Variants in SOX6 observed in about 807,000 individuals in gnomAD.
The protein encoded by SOX6 is SRY-box transcription factor 6.
In SOX6, 11 loss-of-function variants were observed where a neutral mutation model predicts 97.8. That is an observed-to-expected ratio of 0.11 (90% confidence interval 0.07 to 0.19). SOX6 has a LOEUF of 0.19. Ranked by LOEUF, SOX6 falls within the 10% of genes least tolerant of loss-of-function variation. The pLI, the probability that SOX6 is intolerant of heterozygous loss-of-function variation, is 1.00. For missense variants in SOX6, 810 were observed against 1,039.5 expected (o/e 0.78, Z 3.04); for synonymous variants, 360 against 371.4 (o/e 0.97, Z 0.35).
intron 3 of SOX6, among the ~76,000 whole-genome samples, chr11:16,265,810 A>C (rs1057095268): frequency 3.3e-5 from 5 of 151,878 alleles, no homozygotes; most frequent in African/African-American, 1.2e-4. Context: ...TGAAATGAAA[A>C]ACATACTGAA....
At chr11:16,063,361 G>T (rs1336405979) in intron 9 of SOX6, among the ~76,000 whole-genome samples, 4 of 150,494 alleles carry the variant, frequency 2.7e-5, no homozygotes, top group Admixed American at 2.7e-4. Context: ...CAGGACCTAA[G>T]AAATGTATTG....
chr11:16,011,180 T>C (rs1854713530), intron 13 of SOX6, among the ~76,000 whole-genome samples: 1 of 152,042 alleles, frequency 6.6e-6, no homozygotes, highest in African/African-American at 2.4e-5. Context: ...GAAAAGTCCA[T>C]AAAAAGTTCA....
chr11:15,986,148 C>T (rs1853830699), intron 15 of SOX6, 56 bp downstream of exon 15: 1 of 1,475,664 alleles, frequency 6.8e-7, no homozygotes, highest in Non-Finnish European at 9.5e-7. Flanking sequence ...AGTAGCCATC[C>T]TATAGTTACT....
chr11:16,039,467 A>G (rs1855601138), intron 12 of SOX6, among the ~76,000 whole-genome samples: 1 of 152,068 alleles, frequency 6.6e-6, no homozygotes, highest in South Asian at 2.1e-4. Context: ...GGTAATCTCA[A>G]AGACCCTTTT....
At chr11:16,402,994 G>A (rs1303996807) in intron 1 of SOX6, 2 of 592,910 alleles carry the variant, frequency 3.4e-6, no homozygotes, top group Admixed American at 2.8e-5. Flanking sequence ...ACAGATGGAA[G>A]TTGGAGTTAC....
At chr11:16,083,896 T>C (rs1366798648) in intron 9 of SOX6, among the ~76,000 whole-genome samples, 2 of 152,198 alleles carry the variant, frequency 1.3e-5, no homozygotes, top group African/African-American at 4.8e-5. Flanking sequence ...GAACCAGTGG[T>C]AGAGTTGGGA....
At chr11:16,247,511 G>A (rs1355317538) in intron 3 of SOX6, among the ~76,000 whole-genome samples, 2 of 152,084 alleles carry the variant, frequency 1.3e-5, no homozygotes, top group Non-Finnish European at 2.9e-5. Context: ...GGGCTGGGGA[G>A]GCCTCAGGAA....
chr11:16,416,994 T>C (rs1297648899), intron 1 of SOX6, among the ~76,000 whole-genome samples: 1 of 152,162 alleles, frequency 6.6e-6, no homozygotes, highest in Non-Finnish European at 1.5e-5. Context: ...TGATGTCCTT[T>C]CATACTGGAC....
chr11:16,423,038 T>G (rs1388894565), intron 1 of SOX6, among the ~76,000 whole-genome samples: 1 of 152,176 alleles, frequency 6.6e-6, no homozygotes, highest in African/African-American at 2.4e-5. Context: ...TGGCTTCCTA[T>G]CTCACTTAGA....
chr11:16,449,081 A>G (rs1472182953), intron 1 of SOX6, among the ~76,000 whole-genome samples: 1 of 152,182 alleles, frequency 6.6e-6, no homozygotes, highest in East Asian at 1.9e-4. Context: ...CTATTCTGGT[A>G]TTAGAAACTT....
At chr11:16,185,934 A>G (rs943623480) in intron 5 of SOX6, among the ~76,000 whole-genome samples, 4 of 152,166 alleles carry the variant, frequency 2.6e-5, no homozygotes, top group Non-Finnish European at 4.4e-5. Context: ...AATACATTTA[A>G]CTGAAAAGAT....
intron 3 of SOX6, among the ~76,000 whole-genome samples, chr11:16,643,033 AT>A (rs1436392423): frequency 6.6e-6 from 1 of 151,960 alleles, no homozygotes; most frequent in African/African-American, 2.4e-5. Context: ...TTTTTTCCCC[AT>A]CGTTGTGGTT....
chr11:16,150,688 A>G (rs1260410336), intron 6 of SOX6, among the ~76,000 whole-genome samples: 2 of 152,178 alleles, frequency 1.3e-5, no homozygotes, highest in Non-Finnish European at 2.9e-5. Flanking sequence ...TCACCCACTT[A>G]GCTTAATTTT....
chr11:16,247,080 C>T (rs909572667), intron 3 of SOX6, among the ~76,000 whole-genome samples: 5 of 152,158 alleles, frequency 3.3e-5, no homozygotes, highest in Non-Finnish European at 5.9e-5. Flanking sequence ...TTCCCAGCTA[C>T]TGGTAATCAT....
At chr11:16,521,064 C>T (rs566176794) in intron 4 of SOX6, among the ~76,000 whole-genome samples, 26 of 152,296 alleles carry the variant, frequency 1.7e-4, no homozygotes, top group African/African-American at 4.3e-4. Context: ...CACCGACAAA[C>T]GAAAAGACAG....
intron 4 of SOX6, among the ~76,000 whole-genome samples, chr11:16,575,046 T>TAA (rs756559904): frequency 1.0e-4 from 12 of 115,596 alleles, no homozygotes; most frequent in Admixed American, 1.7e-4. Context: ...TCTCAAAAAA[T>TAA]AAAAAAAAAA....
chr11:16,210,511 A>T (rs1182103498), intron 4 of SOX6, among the ~76,000 whole-genome samples: 1 of 152,174 alleles, frequency 6.6e-6, no homozygotes, highest in Non-Finnish European at 1.5e-5. Context: ...GTGACTGCTA[A>T]AAGGTAAGAA....
chr11:16,403,673 A>C (rs547984710), intron 1 of SOX6, among the ~76,000 whole-genome samples: 6 of 151,780 alleles, frequency 4.0e-5, no homozygotes, highest in Non-Finnish European at 7.4e-5. Context: ...TCTGAGCAGA[A>C]AACAAGAATG....
intron 3 of SOX6, among the ~76,000 whole-genome samples, chr11:16,684,174 G>A (rs1396530137): frequency 5.3e-5 from 8 of 152,148 alleles, no homozygotes; most frequent in Middle Eastern, 3.2e-3. Flanking sequence ...ACAGTGTAGC[G>A]ATTCCTCAAG....
Sources: gnomAD v4.1 joint callset for allele counts (sites outside exome capture counted in the v4.1 genomes callset) on GRCh38, gnomAD v4.1.1 for gene constraint, MANE v1.5 for transcripts, NCBI Gene and HGNC (gene_info 2026-07-23, HGNC 2026-07-21) for gene names.